Variants in GSTA2 observed in about 807,000 individuals in gnomAD.
GSTA2 encodes the protein glutathione S-transferase A2.
GSTA2 carries 27 observed loss-of-function variants against 22.4 expected under a neutral mutation model. That is an observed-to-expected ratio of 1.21 (90% CI 0.89 to 1.67). The LOEUF is 1.67. GSTA2 is among the 40% of genes most tolerant of loss of function. The probability of loss-of-function intolerance (pLI) is 0.00; values close to 1 mark genes in which losing one functional copy is unlikely to be tolerated. For synonymous variants in GSTA2, 121 were observed against 86.8 expected (o/e 1.39, Z -2.19); for missense variants, 302 against 260.2 (o/e 1.16, Z -1.11).
intron 1 of GSTA2, among the ~76,000 whole-genome samples, chr6:52,758,610 G>T (rs1409546227): frequency 6.6e-6 from 1 of 152,134 alleles, no homozygotes; most frequent in South Asian, 2.1e-4. Flanking sequence ...CAGCTCTTTG[G>T]CTGTGAGACT....
chr6:52,754,850 G>T (rs1762810606), intron 4 of GSTA2, 93 bp downstream of exon 4: 2 of 1,553,610 alleles, frequency 1.3e-6, no homozygotes. Context: ...CCTGCTGCTG[G>T]TCTTGATACC....
chr6:52,751,843 C>T (rs1035445538), intron 5 of GSTA2, 135 bp from the exon 6 acceptor site: 4 of 1,265,330 alleles, frequency 3.2e-6, no homozygotes, highest in East Asian at 4.7e-5. Flanking sequence ...CCCGAGCTTT[C>T]TCCACATTAT....
In GSTA2 at chr6:52,751,798, C is replaced by T. The variant is rs1469663791; in HGVS notation, c.415-90G>A. 1.9e-6 allele frequency: 3 copies of T among 1,589,208 alleles called. No individual in the cohort carries two copies. The East Asian group carries it at 6.7e-5, about 36-fold the overall frequency. ...CAGAGCCTCTCCACCCTGACTTTCC[C>T]CACCTCTGTTGCCTTACTGCATGGA... On this transcript the variant is annotated intron_variant, in intron 5 of 6. Transcript: ENST00000493422.
At chr6:52,752,417 A>G (rs982609880) in intron 5 of GSTA2, among the ~76,000 whole-genome samples, 1 of 152,126 alleles carries the variant, frequency 6.6e-6, no homozygotes, top group Admixed American at 6.5e-5. Flanking sequence ...GATCCCTGAA[A>G]CACTGCAATA....
intron 1 of GSTA2, among the ~76,000 whole-genome samples, chr6:52,759,727 G>T (rs1762922396): frequency 6.6e-6 from 1 of 151,686 alleles, no homozygotes; most frequent in South Asian, 2.1e-4. Flanking sequence ...TGGGATTACA[G>T]GCACATGCCA....
chr6:52,753,356 T>C (rs1193288257), intron 4 of GSTA2, among the ~76,000 whole-genome samples: 3 of 152,142 alleles, frequency 2.0e-5, no homozygotes, highest in African/African-American at 7.2e-5. Context: ...TCATCTCCAT[T>C]GTGGTTTGTT....
At chr6:52,752,176 T>G (rs1762753064) in intron 5 of GSTA2, among the ~76,000 whole-genome samples, 1 of 152,246 alleles carries the variant, frequency 6.6e-6, no homozygotes, top group African/African-American at 2.4e-5. Context: ...TCTCCTTGTC[T>G]GTTCTCCTCA....
At chr6:52,756,333 G>A (rs745897491) in intron 2 of GSTA2, 24 bp from the exon 3 acceptor site, 5 of 1,537,256 alleles carry the variant, frequency 3.3e-6, no homozygotes, top group South Asian at 2.2e-5. Flanking sequence ...CAGTAAATAT[G>A]TTCTTGTTAG....
At chr6:52,763,305 C>T (rs1265295188) in intron 1 of GSTA2, 139 bp downstream of exon 1, 2 of 166,854 alleles carry the variant, frequency 1.2e-5, no homozygotes, top group African/African-American at 4.8e-5. Context: ...TGAACTGTCA[C>T]CCAAACACAC....
intron 6 of GSTA2, among the ~76,000 whole-genome samples, chr6:52,750,952 T>C (rs1762725230): frequency 1.3e-5 from 2 of 152,190 alleles, no homozygotes; most frequent in African/African-American, 4.8e-5. Flanking sequence ...TACATATTAA[T>C]CCTATAGATT....
chr6:52,752,935 A>G lies in GSTA2; in HGVS notation c.333T>C (p.Phe111=). The G allele has an allele frequency of 6.2e-7, 1 of 1,613,924 alleles. No individual in the cohort carries two copies. Among genetic ancestry groups the G allele is most frequent in the South Asian group, 1.1e-5 (1 of 91,074 alleles). ...DLGEMILLLP[F]SQPEEQDAKL... is the part of the protein sequence containing the mutation. ...TGGCATCTTGTTCCTCAGGTTGACT[A>G]AAGGGCAGAAGAAGGATCATTTCAC... Residue 111 remains phenylalanine, a synonymous_variant, in exon 5 of 7, where the codon TTT becomes TTC. Coordinates refer to ENST00000493422, the MANE Select transcript of GSTA2 (RefSeq NM_000846.5).
At chr6:52,756,235 A>T in intron 3 of GSTA2, 23 bp downstream of exon 3, 1 of 1,574,524 alleles carries the variant, frequency 6.4e-7, no homozygotes, top group Non-Finnish European at 8.7e-7. Context: ...CCCTCATTAG[A>T]GAAACTTAGA....
chr6:52,750,167 C>G lies in GSTA2; in HGVS notation c.*410G>C, dbSNP rs1288836329. On this transcript the variant is annotated 3_prime_UTR_variant, in exon 7 of 7. Transcript: ENST00000493422. ...AGGAAAAGAAGAAAATGTCTTTATG[C>G]CATTATCCAGGATGGTAACTCTTCT... 6.4e-6 allele frequency: 1 copy of G among 156,928 alleles called. No homozygotes were observed. The highest frequency in any genetic ancestry group is 1.9e-4 in the South Asian group (1 of 5,320). The allele number at this position is 156,928 out of a possible 1,614,324, so 9.7% of individuals were successfully genotyped here. A position where few individuals can be genotyped will look rare whatever the true frequency, so the allele number is the denominator to read the frequency against.
At chr6:52,757,626 C>T (rs1762869550) in intron 2 of GSTA2, among the ~76,000 whole-genome samples, 1 of 152,174 alleles carries the variant, frequency 6.6e-6, no homozygotes, top group Admixed American at 6.5e-5. Context: ...TTCTAATCCA[C>T]TTAAGTTCTG....
intron 2 of GSTA2, 112 bp downstream of exon 2, chr6:52,757,749 T>C: frequency 1.0e-6 from 1 of 955,020 alleles, no homozygotes; most frequent in Non-Finnish European, 1.7e-6. Context: ...TACAGTCCCT[T>C]TTTATTTAAG....
At chr6:52,750,740 A>G (rs774130506) in intron 6 of GSTA2, 41 bp from the exon 7 acceptor site, 1 of 1,607,474 alleles carries the variant, frequency 6.2e-7, no homozygotes, top group Non-Finnish European at 8.5e-7. Flanking sequence ...ACAACAAGTC[A>G]AGGGCTGACA....
At chr6:52,753,989 G>C (rs931933230) in intron 4 of GSTA2, among the ~76,000 whole-genome samples, 5 of 152,148 alleles carry the variant, frequency 3.3e-5, no homozygotes, top group Admixed American at 2.6e-4. Context: ...GTGGCCTTCT[G>C]TGTCTCGTGT....
At chr6:52,750,945 A>G (rs915176226) in intron 6 of GSTA2, among the ~76,000 whole-genome samples, 5 of 152,238 alleles carry the variant, frequency 3.3e-5, no homozygotes, top group South Asian at 2.1e-4. Flanking sequence ...TTCTTCTTAC[A>G]TATTAATCCT....
At chr6:52,759,031 T>C (rs1438084828) in intron 1 of GSTA2, among the ~76,000 whole-genome samples, 2 of 152,222 alleles carry the variant, frequency 1.3e-5, no homozygotes, top group East Asian at 3.8e-4. Flanking sequence ...TTTTCTATGT[T>C]AGTGTTTCTC....
Sources: allele counts gnomAD v4.1 joint callset (sites outside exome capture counted in the v4.1 genomes callset), GRCh38; gene constraint gnomAD v4.1.1; transcripts MANE v1.5; gene names NCBI Gene and HGNC (gene_info 2026-07-23, HGNC 2026-07-21).